The following RSU1 variants were observed in gnomAD, a reference collection of about 807,000 sequenced individuals.
RSU1 encodes the protein rsu-1.
Under a neutral mutation model 31.1 loss-of-function variants are expected in RSU1, and 26 were observed. The observed-to-expected ratio is 0.84, with a 90% CI of 0.61 to 1.16. RSU1 has a LOEUF of 1.16. Among genes scored for constraint, RSU1 ranks in the 50% most tolerant of loss-of-function variants. The pLI, the probability that RSU1 is intolerant of heterozygous loss-of-function variation, is 0.00. For missense variants in RSU1, 320 were observed against 339.1 expected (o/e 0.94, Z 0.44); for synonymous variants, 164 against 136.3 (o/e 1.20, Z -1.41).
At chr10:16,783,282 T>C (rs188232881) in intron 2 of RSU1, among the ~76,000 whole-genome samples, 4 of 152,034 alleles carry the variant, frequency 2.6e-5, no homozygotes, top group Non-Finnish European at 5.9e-5. Flanking sequence ...AAGATAAAAA[T>C]TTTTCTCAGG....
chr10:16,631,388 G>A (rs747161549), intron 8 of RSU1, among the ~76,000 whole-genome samples: 6 of 152,296 alleles, frequency 3.9e-5, no homozygotes, highest in Admixed American at 6.5e-5. Context: ...CAGAGAGTGC[G>A]CTTGTCCAGC....
chr10:16,682,168 G>C (rs910402909), intron 8 of RSU1, among the ~76,000 whole-genome samples: 5 of 152,266 alleles, frequency 3.3e-5, no homozygotes, highest in Admixed American at 2.6e-4. Flanking sequence ...GTCCCAAGAT[G>C]GGACAGGGAA....
chr10:16,692,738 A>T (rs888953775), intron 8 of RSU1, among the ~76,000 whole-genome samples: 36 of 152,086 alleles, frequency 2.4e-4, no homozygotes, highest in African/African-American at 4.3e-4. Context: ...TATTTTTTTA[A>T]AAAAAATTGA....
At chr10:16,781,696 G>C (rs1481002364) in intron 3 of RSU1, among the ~76,000 whole-genome samples, 1 of 152,072 alleles carries the variant, frequency 6.6e-6, no homozygotes, top group African/African-American at 2.4e-5. Flanking sequence ...TGATAAGAAA[G>C]AATCTTCAGG....
chr10:16,596,582 C>T (rs774920229), intron 8 of RSU1, among the ~76,000 whole-genome samples: 2 of 152,206 alleles, frequency 1.3e-5, no homozygotes, highest in Non-Finnish European at 2.9e-5. Context: ...CAGGCACCTA[C>T]GGCCTAGGTA....
At chr10:16,719,164 C>T (rs888902566) in intron 7 of RSU1, among the ~76,000 whole-genome samples, 18 of 151,848 alleles carry the variant, frequency 1.2e-4, no homozygotes, top group African/African-American at 4.1e-4. Context: ...AAAAATTCGC[C>T]GAGTGTGGTG....
At chr10:16,676,710 G>C (rs577173777) in intron 8 of RSU1, among the ~76,000 whole-genome samples, 4 of 152,316 alleles carry the variant, frequency 2.6e-5, no homozygotes, top group Admixed American at 6.5e-5. Context: ...CACTCAAAAA[G>C]GTTCAGATAT....
At position 16,764,528 on chromosome 10, in the gene RSU1, C is replaced by A. The variant is rs200198766; in HGVS notation, c.161-18G>T. 1.2e-6 allele frequency: 2 copies of A among 1,608,646 alleles called. No individual in the cohort carries two copies. Among genetic ancestry groups the A allele is most frequent in the Non-Finnish European group, 1.7e-6 (2 of 1,177,214 alleles). Reference sequence around the variant, plus strand: ...TGGCACCACTATGGAAACAAAAATGCTGAGTGTGAATCTGGGAATGGAACT... The same window carrying A: ...TGGCACCACTATGGAAACAAAAATGATGAGTGTGAATCTGGGAATGGAACT... On this transcript the variant is annotated intron_variant, in intron 3 of 8. Transcript: ENST00000345264.
intron 8 of RSU1, among the ~76,000 whole-genome samples, chr10:16,664,650 C>T (rs921069937): frequency 2.6e-5 from 4 of 152,188 alleles, no homozygotes; most frequent in Non-Finnish European, 5.9e-5. Flanking sequence ...TTTTTACCTA[C>T]GCAAAGAGAG....
At chr10:16,794,538 A>G (rs1837987341) in intron 2 of RSU1, among the ~76,000 whole-genome samples, 1 of 152,244 alleles carries the variant, frequency 6.6e-6, no homozygotes, top group South Asian at 2.1e-4. Flanking sequence ...GCAGTTTTAG[A>G]AATCATGGTT....
chr10:16,689,445 A>G (rs1272839510), intron 8 of RSU1, among the ~76,000 whole-genome samples: 1 of 152,256 alleles, frequency 6.6e-6, no homozygotes, highest in African/African-American at 2.4e-5. Context: ...ACTAGAGGAT[A>G]TAGTAGTTGT....
chr10:16,608,583 A>G (rs1182299447), intron 8 of RSU1, among the ~76,000 whole-genome samples: 2 of 152,116 alleles, frequency 1.3e-5, no homozygotes, highest in Non-Finnish European at 2.9e-5. Flanking sequence ...ATCCACAAAC[A>G]CAGCATCTCA....
intron 8 of RSU1, among the ~76,000 whole-genome samples, chr10:16,595,996 C>T (rs532629076): frequency 1.3e-4 from 19 of 151,996 alleles, no homozygotes; most frequent in African/African-American, 4.3e-4. Context: ...TCCATGAAAG[C>T]GCATTTTTCA....
intron 8 of RSU1, among the ~76,000 whole-genome samples, chr10:16,671,868 G>A (rs970440692): frequency 5.3e-5 from 8 of 150,430 alleles, no homozygotes; most frequent in South Asian, 2.1e-4. Flanking sequence ...CCTTGTGATC[G>A]ACCCCCCTCG....
At chr10:16,788,836 TAC>T (rs1457874467) in intron 2 of RSU1, among the ~76,000 whole-genome samples, 3 of 152,224 alleles carry the variant, frequency 2.0e-5, no homozygotes, top group Non-Finnish European at 4.4e-5. Context: ...GATGCCTAGC[TAC>T]AAGGCTGGCT....
chr10:16,729,149 T>C (rs1047224257), intron 7 of RSU1, among the ~76,000 whole-genome samples: 3 of 152,242 alleles, frequency 2.0e-5, no homozygotes, highest in Non-Finnish European at 2.9e-5. Flanking sequence ...AAAGCATCTA[T>C]GGAAGCTTTT....
At chr10:16,817,117 T>C (rs1369538898) in intron 1 of RSU1, 33 bp from the exon 2 acceptor site, 8 of 1,480,102 alleles carry the variant, frequency 5.4e-6, no homozygotes, top group Non-Finnish European at 6.6e-6. Context: ...ACGTGGGCGA[T>C]GACAGCAAGC....
chr10:16,766,126 G>C (rs1038962707), intron 3 of RSU1, among the ~76,000 whole-genome samples: 3 of 152,200 alleles, frequency 2.0e-5, no homozygotes, highest in Admixed American at 1.3e-4. Flanking sequence ...CTGGAAGAAG[G>C]GACTGTGAAG....
At chr10:16,724,545 C>T (rs970812285) in intron 7 of RSU1, among the ~76,000 whole-genome samples, 1 of 152,168 alleles carries the variant, frequency 6.6e-6, no homozygotes, top group African/African-American at 2.4e-5. Context: ...TGAGTGAGAA[C>T]ATACTAAAAG....
Sources: gnomAD v4.1 joint callset for allele counts (sites outside exome capture counted in the v4.1 genomes callset) on GRCh38, gnomAD v4.1.1 for gene constraint, MANE v1.5 for transcripts, NCBI Gene and HGNC (gene_info 2026-07-23, HGNC 2026-07-21) for gene names.